The following RAI1 variants were observed in gnomAD, a reference collection of about 807,000 sequenced individuals.
The protein encoded by RAI1 is retinoic acid-induced protein 1.
Under a neutral mutation model 123.8 loss-of-function variants are expected in RAI1, and 9 were observed. The ratio of observed to expected loss-of-function variants is 0.07; its 90% CI spans 0.04 to 0.13. The LOEUF is 0.13. Among genes scored for constraint, RAI1 ranks in the 10% least tolerant of loss-of-function variants. The pLI is 1.00. For missense variants in RAI1, 2,256 were observed against 2,545.8 expected (o/e 0.89, Z 2.45); for synonymous variants, 1,231 against 1,127.3 (o/e 1.09, Z -1.84).
intron 2 of RAI1, chr17:17,779,126 CACAAG>C (rs1391103409): frequency 2.8e-6 from 1 of 351,036 alleles, no homozygotes. Flanking sequence ...TCCATTCAGA[CACAAG>C]ACAAGGCATC....
chr17:17,689,267 A>C (rs186398553), intron 1 of RAI1, among the ~76,000 whole-genome samples: 3 of 152,126 alleles, frequency 2.0e-5, no homozygotes, highest in Non-Finnish European at 2.9e-5. Context: ...CCGGCCAATT[A>C]TTCTTCTTCC....
chr17:17,751,637 G>A (rs560203839), intron 2 of RAI1, among the ~76,000 whole-genome samples: 15 of 152,326 alleles, frequency 9.8e-5, no homozygotes, highest in Middle Eastern at 3.4e-3. Flanking sequence ...TTGCTCTCCT[G>A]CGGGCACACT....
intron 1 of RAI1, among the ~76,000 whole-genome samples, chr17:17,719,146 A>G (rs549659221): frequency 6.6e-6 from 1 of 152,218 alleles, no homozygotes; most frequent in East Asian, 1.9e-4. Flanking sequence ...CCCTGGCCCC[A>G]CATCTGCCCT....
intron 4 of RAI1, among the ~76,000 whole-genome samples, chr17:17,804,581 G>A (rs1475199811): frequency 6.6e-6 from 1 of 151,776 alleles, no homozygotes; most frequent in Non-Finnish European, 1.5e-5. Context: ...TACAATATTA[G>A]TCATTGGGGA....
At chr17:17,751,636 T>G (rs2030173963) in intron 2 of RAI1, among the ~76,000 whole-genome samples, 1 of 152,240 alleles carries the variant, frequency 6.6e-6, no homozygotes, top group African/African-American at 2.4e-5. Flanking sequence ...CTTGCTCTCC[T>G]GCGGGCACAC....
At position 17,710,123 on chromosome 17, in the gene RAI1, C is replaced by T. The variant is rs141099883; in HGVS notation, c.-148-13905C>T. Among the ~76,000 whole-genome samples, 335 of 152,334 alleles carry T rather than the reference C, an allele frequency of 2.2e-3. 1 individual carries two copies. Among genetic ancestry groups the T allele is most frequent in the Non-Finnish European group, 3.3e-3 (222 of 68,018 alleles). ...TGAAGACCTCGAGCACACACAGACA[C>T]GCACCTGGTCACGTGCACTTTCACA... On this transcript the variant is annotated intron_variant, in intron 1 of 5. Transcript: ENST00000353383.
intron 2 of RAI1, among the ~76,000 whole-genome samples, chr17:17,739,962 G>A (rs1440203199): frequency 2.0e-5 from 3 of 152,230 alleles, no homozygotes; most frequent in Non-Finnish European, 4.4e-5. Flanking sequence ...GACTCACCGC[G>A]TGGCAGCTCC....
rs545689304 is a variant in RAI1, at chr17:17,809,850, C to T, written c.5710-120C>T. 2.2e-3 allele frequency: 3,160 copies of T among 1,442,734 alleles called. 12 individuals are homozygous for T. The Middle Eastern group carries it at 0.024, about 11-fold the overall frequency. 89.4% of individuals were successfully genotyped at this position (1,442,734 alleles called of 1,614,324 possible). A position where few individuals can be genotyped will look rare whatever the true frequency, so the allele number is the denominator to read the frequency against. On this transcript the variant is annotated intron_variant, in intron 5 of 5. Transcript: ENST00000353383. The surrounding 1 kb of genome is among the most constrained non-coding windows in gnomAD (Gnocchi z 4.9). ...TGCCGACGGCCTCGGGCGGAGACCC[C>T]AGCCGCGCTCTGGGGTCGCCTGGGT...
chr17:17,725,537 G>T (rs1029274653), intron 2 of RAI1, among the ~76,000 whole-genome samples: 1 of 152,124 alleles, frequency 6.6e-6, no homozygotes, highest in South Asian at 2.1e-4. Flanking sequence ...CTCAATCCAA[G>T]GGGGGACCAC....
rs559792561 is a variant in RAI1, at chr17:17,762,747, C to G, written c.-16-30186C>G. Among the ~76,000 whole-genome samples, 25 of 152,196 alleles carry G rather than the reference C, an allele frequency of 1.6e-4. No individual in the cohort carries two copies. In the South Asian group the frequency reaches 5.0e-3, roughly 30 times the overall value. ...GGTGAGCTCAGTAGAACCAAGAGCCCCCAGGACACAGGGCATCCAGGAGGC... is the reference window on the plus strand; with the variant it reads ...GGTGAGCTCAGTAGAACCAAGAGCCGCCAGGACACAGGGCATCCAGGAGGC... On this transcript the variant is annotated intron_variant, in intron 2 of 5. Coordinates refer to ENST00000353383, the MANE Select transcript of RAI1 (RefSeq NM_030665.4).
At chr17:17,710,006 G>A (rs911603106) in intron 1 of RAI1, among the ~76,000 whole-genome samples, 14 of 152,076 alleles carry the variant, frequency 9.2e-5, no homozygotes, top group Non-Finnish European at 1.8e-4. Flanking sequence ...CACCATGGGT[G>A]GTCAACCCTT....
At chr17:17,791,691 AAT>A (rs1252337983) in intron 2 of RAI1, among the ~76,000 whole-genome samples, 1 of 152,180 alleles carries the variant, frequency 6.6e-6, no homozygotes, top group Non-Finnish European at 1.5e-5. Context: ...GGACTCGGCC[AAT>A]GGCCAGCCCC....
chr17:17,724,857 A>T (rs904856808), intron 2 of RAI1, among the ~76,000 whole-genome samples: 4 of 151,996 alleles, frequency 2.6e-5, no homozygotes, highest in African/African-American at 9.7e-5. Context: ...ACAGAGCTGC[A>T]GGAGTGGCTT....
chr17:17,718,801 T>C (rs1279730421), intron 1 of RAI1, among the ~76,000 whole-genome samples: 19 of 152,102 alleles, frequency 1.2e-4, no homozygotes, highest in Non-Finnish European at 2.2e-4. Context: ...CCTGGTACAG[T>C]CATTAAAAAT....
intron 2 of RAI1, among the ~76,000 whole-genome samples, chr17:17,755,384 G>A (rs1020053246): frequency 6.6e-6 from 1 of 152,206 alleles, no homozygotes; most frequent in Non-Finnish European, 1.5e-5. Flanking sequence ...GGAGGGCAGG[G>A]AGAGCACTGG....
intron 2 of RAI1, among the ~76,000 whole-genome samples, chr17:17,770,591 T>C (rs1019621004): frequency 7.1e-6 from 1 of 141,250 alleles, no homozygotes; most frequent in Non-Finnish European, 1.5e-5. Context: ...CCTGGCCAGG[T>C]CAGGGGCCAG....
chr17:17,694,610 C>T (rs951737152), intron 1 of RAI1, among the ~76,000 whole-genome samples: 5 of 151,762 alleles, frequency 3.3e-5, no homozygotes, highest in Non-Finnish European at 7.4e-5. Context: ...CGCTTCCTGC[C>T]GGTCCCGCCC....
chr17:17,744,409 TAGC>T (rs1445018885), intron 2 of RAI1, among the ~76,000 whole-genome samples: 7 of 152,206 alleles, frequency 4.6e-5, no homozygotes, highest in Admixed American at 6.5e-5. Context: ...TTCACAGAAA[TAGC>T]AGGCAGTTTG....
In RAI1 at chr17:17,724,640, G is replaced by T. The variant is rs531321251; in HGVS notation, c.-17+481G>T. ...TCTGCGCCCCGAAGCTGGTCGGACCGGGGAGGGCGATCCGCGCGTCCGATC... is the reference window on the plus strand; with the variant it reads ...TCTGCGCCCCGAAGCTGGTCGGACCTGGGAGGGCGATCCGCGCGTCCGATC... On this transcript the variant is annotated intron_variant, in intron 2 of 5. Transcript: ENST00000353383. Among the ~76,000 whole-genome samples the T allele has an allele frequency of 5.5e-3, 831 of 152,210 alleles. 3 individuals are homozygous for T. Among genetic ancestry groups the T allele is most frequent in the African/African-American group, 0.013 (522 of 41,534 alleles).
Sources: allele counts gnomAD v4.1 joint callset (sites outside exome capture counted in the v4.1 genomes callset), GRCh38; gene constraint gnomAD v4.1.1; non-coding constraint Gnocchi (gnomAD v3.1); transcripts MANE v1.5; gene names NCBI Gene and HGNC (gene_info 2026-07-23, HGNC 2026-07-21).